CFHR5: variants seen among roughly 807,000 people sequenced by gnomAD.
CFHR5 encodes the protein complement factor H-related protein 5.
Under a neutral mutation model 62.9 loss-of-function variants are expected in CFHR5, and 73 were observed. The observed-to-expected ratio is 1.16, with a 90% CI of 0.96 to 1.41. The LOEUF (loss-of-function observed/expected upper bound fraction) is 1.41, where lower values mean the gene tolerates loss of function less well. Among genes scored for constraint, CFHR5 ranks in the 40% most tolerant of loss-of-function variants. The pLI, the probability that CFHR5 is intolerant of heterozygous loss-of-function variation, is 0.00. For missense variants in CFHR5, 779 were observed against 679.9 expected (o/e 1.15, Z -1.62); for synonymous variants, 249 against 227.2 (o/e 1.10, Z -0.86).
intron 6 of CFHR5, 38 bp downstream of exon 6, chr1:196,996,239 A>G (rs749696960): frequency 2.7e-6 from 4 of 1,485,734 alleles, no homozygotes; most frequent in South Asian, 2.3e-5. Flanking sequence ...TTGATTATTT[A>G]TCATTTTGAT....
chr1:197,007,766 AAT>A (rs1465632494), intron 9 of CFHR5, among the ~76,000 whole-genome samples: 1 of 147,342 alleles, frequency 6.8e-6, no homozygotes, highest in Non-Finnish European at 1.5e-5. Context: ...ATATACATAT[AAT>A]ATGTTATGTA....
At chr1:196,987,095 T>C (rs572504528) in intron 3 of CFHR5, among the ~76,000 whole-genome samples, 2 of 152,350 alleles carry the variant, frequency 1.3e-5, no homozygotes, top group South Asian at 4.1e-4. Flanking sequence ...ATTGTGGTTT[T>C]GATTTGCATT....
rs769891523 is a variant in CFHR5, at chr1:196,996,054, C to T, written c.823C>T (p.Leu275Phe). Residue 275 changes from leucine (L) to phenylalanine (F), a missense_variant, in exon 6 of 10, where the codon CTC (leucine) becomes TTC (phenylalanine). Transcript: ENST00000256785. ...GAAAACATGTGGATACATACCTGAA[C>T]TCGAGTACGGTTATGTTCAGCCGTC... The part of the protein sequence containing the change: ...QVKTCGYIPE[L>F]EYGYVQPSVP... 1.2e-6 allele frequency: 2 copies of T among 1,613,890 alleles called. No homozygotes were observed. The highest frequency in any genetic ancestry group is 1.1e-5 in the South Asian group (1 of 91,074).
chr1:197,002,456 T>C, intron 7 of CFHR5, 26 bp from the exon 8 acceptor site: 4 of 1,580,226 alleles, frequency 2.5e-6, no homozygotes, highest in East Asian at 2.3e-5. Context: ...TTATTAATCA[T>C]ATAATTTAAT....
At chr1:196,976,796 A>ATT (rs1653402903), upstream of CFHR5, among the ~76,000 whole-genome samples, 1 of 128,170 alleles carries the variant, frequency 7.8e-6, no homozygotes, top group Non-Finnish European at 1.6e-5. Context: ...GGCAAAAATT[A>ATT]TTCTTTTTTT....
intron 7 of CFHR5, among the ~76,000 whole-genome samples, chr1:196,999,850 A>C (rs541836529): frequency 1.3e-5 from 2 of 149,000 alleles, no homozygotes; most frequent in East Asian, 3.9e-4. Context: ...ATATATGTAT[A>C]TCCTAAAAAG....
intron 9 of CFHR5, among the ~76,000 whole-genome samples, chr1:197,007,961 T>C (rs927832288): frequency 1.0e-4 from 15 of 147,598 alleles, no homozygotes; most frequent in Non-Finnish European, 1.6e-4. Context: ...ATATACACAT[T>C]ATATTATGTA....
intron 1 of CFHR5, among the ~76,000 whole-genome samples, chr1:196,980,606 G>A (rs1436726886): frequency 2.0e-5 from 3 of 151,694 alleles, no homozygotes; most frequent in African/African-American, 7.3e-5. Flanking sequence ...GTGTGTGTGT[G>A]TGTGTGTGTG....
In CFHR5 at chr1:197,009,639, A is replaced by G. The variant is rs1654385269; in HGVS notation, c.*956A>G. ...TCTAGCTACCTATCCAATACTAAAT[A>G]CCCCTTAAAGTATTAAATGCACTAT... On this transcript the variant is annotated 3_prime_UTR_variant, in exon 10 of 10. Transcript: ENST00000256785. 1 of 151,804 alleles carries G rather than the reference A, an allele frequency of 6.6e-6. No homozygotes were observed. Among genetic ancestry groups the G allele is most frequent in the South Asian group, 2.1e-4 (1 of 4,828 alleles). The allele number at this position is 151,804 out of a possible 1,614,324, so 9.4% of individuals were successfully genotyped here. A position where few individuals can be genotyped will look rare whatever the true frequency, so the allele number is the denominator to read the frequency against.
chr1:196,995,654 A>T, intron 4 of CFHR5, 63 bp from the exon 5 acceptor site: 1 of 1,416,666 alleles, frequency 7.1e-7, no homozygotes, highest in South Asian at 1.2e-5. Flanking sequence ...AAAATTTAGT[A>T]ACTCCACATT....
intron 1 of CFHR5, among the ~76,000 whole-genome samples, chr1:196,978,098 T>C (rs376555994): frequency 5.9e-5 from 9 of 152,300 alleles, no homozygotes; most frequent in South Asian, 2.1e-4. Context: ...ACCTTCATTA[T>C]GTTTTGAGAA....
At chr1:196,982,637 T>C (rs903575355) in intron 1 of CFHR5, among the ~76,000 whole-genome samples, 7 of 151,958 alleles carry the variant, frequency 4.6e-5, no homozygotes, top group African/African-American at 1.7e-4. Context: ...GTGATTGTAC[T>C]TCAGCCTGGG....
chr1:196,976,799 CTTTTT>C, upstream of CFHR5, among the ~76,000 whole-genome samples: 1 of 98,140 alleles, frequency 1.0e-5, no homozygotes, highest in East Asian at 2.7e-4. Context: ...AAAAATTATT[CTTTTT>C]TTTTTTTTTT....
At chr1:196,980,513 G>T (rs1015120505) in intron 1 of CFHR5, among the ~76,000 whole-genome samples, 18 of 151,946 alleles carry the variant, frequency 1.2e-4, no homozygotes, top group African/African-American at 4.3e-4. Context: ...ATAATCTTAT[G>T]GGACCACTGT....
In CFHR5 at chr1:197,005,694, ACC is replaced by A. The variant is rs1198734774; in HGVS notation, c.1513+852_1513+853del. Among the ~76,000 whole-genome samples the A allele has an allele frequency of 5.9e-5, 9 of 152,276 alleles. No homozygotes were observed. The South Asian group carries it at 1.7e-3, about 28-fold the overall frequency. On this transcript the variant is annotated intron_variant, in intron 9 of 9. Coordinates refer to ENST00000256785, the MANE Select transcript of CFHR5 (RefSeq NM_030787.4). Reference sequence around the variant, plus strand: ...CTGTTTTCTGGTGTCCAAAAGAGACACCATGGTAATAAGGATCTGTTCCTGCA... The same window carrying A: ...CTGTTTTCTGGTGTCCAAAAGAGACAATGGTAATAAGGATCTGTTCCTGCA...
chr1:196,979,231 C>T (rs746264532), intron 1 of CFHR5, among the ~76,000 whole-genome samples: 9 of 148,910 alleles, frequency 6.0e-5, no homozygotes, highest in Non-Finnish European at 3.0e-5. Context: ...AAATAAATTG[C>T]AAGGTTTTAT....
rs970252522 is a variant in CFHR5, at chr1:196,998,144, G to A, written c.987G>A (p.Lys329=). The A allele has an allele frequency of 4.5e-6, 7 of 1,551,886 alleles. No individual in the cohort carries two copies. The highest frequency in any genetic ancestry group is 1.9e-5 in the Admixed American group (1 of 53,454). Reference sequence around the variant, plus strand: ...TTTTTATAGCAACACACCAACTTAAGAGGTGCAAAATAGCAGGAGTTAATA... The same window carrying A: ...TTTTTATAGCAACACACCAACTTAAAAGGTGCAAAATAGCAGGAGTTAATA... ...LPMCVATHQL[K]RCKIAGVNIK... is the part of the protein sequence containing the mutation. Residue 329 remains lysine (K), a synonymous_variant, in exon 7 of 10, where the codon AAG becomes AAA. Coordinates refer to ENST00000256785, the MANE Select transcript of CFHR5 (RefSeq NM_030787.4).
rs1358455299 is a variant in CFHR5, at chr1:196,995,772, G to C, written c.663G>C (p.Glu221Asp). ...PPQLSNGEVK[E>D]IRKEEYGHNE... is the part of the protein sequence containing the mutation. ...AACTCTCCAATGGTGAAGTTAAGGA[G>C]ATAAGAAAAGAGGAATATGGACACA... The change falls in exon 5 of 10, where the codon GAG (glutamate) becomes GAC (aspartate). Residue 221 changes from glutamate (E) to aspartate (D), a missense_variant. By Grantham distance (45) the Glu-to-Asp change is conservative. Transcript: ENST00000256785. 6.2e-7 allele frequency: 1 copy of C among 1,613,246 alleles called. No individual in the cohort carries two copies. The highest frequency in any genetic ancestry group is 1.7e-5 in the Admixed American group (1 of 59,966).
intron 7 of CFHR5, among the ~76,000 whole-genome samples, chr1:197,002,233 A>G (rs992162085): frequency 2.6e-4 from 39 of 152,296 alleles, no homozygotes; most frequent in Non-Finnish European, 4.4e-5. Flanking sequence ...AGGAGATACA[A>G]GAGAGCATCT....
Sources: gnomAD v4.1 joint callset for allele counts (sites outside exome capture counted in the v4.1 genomes callset) on GRCh38, gnomAD v4.1.1 for gene constraint, MANE v1.5 for transcripts, NCBI Gene and HGNC (gene_info 2026-07-23, HGNC 2026-07-21) for gene names.